The following DYNC1I1 variants were observed in gnomAD, a reference collection of about 807,000 sequenced individuals.
DYNC1I1 encodes cytoplasmic dynein 1 intermediate chain 1.
A neutral mutation model predicts 86.6 loss-of-function variants in DYNC1I1; 43 were observed. The ratio of observed to expected loss-of-function variants is 0.50; its 90% CI spans 0.39 to 0.64. The LOEUF is 0.64. Ranked by LOEUF, DYNC1I1 falls within the 30% of genes least tolerant of loss-of-function variation. The pLI is 0.00. For missense variants in DYNC1I1, 604 were observed against 788.8 expected, an observed-to-expected ratio of 0.77 and a Z score of 2.81; for synonymous variants, 262 against 283.7, an observed-to-expected ratio of 0.92 and a Z score of 0.77.
At chr7:95,816,025 T>C (rs1017322818) in intron 4 of DYNC1I1, among the ~76,000 whole-genome samples, 1 of 151,732 alleles carries the variant, frequency 6.6e-6, no homozygotes, top group Non-Finnish European at 1.5e-5. Context: ...TTTTTTTTTT[T>C]TTTAATTTTA....
rs192528621 is a variant in DYNC1I1 at position 96,015,662 on chromosome 7, C to T, written c.970-12513C>T. ...AATTTCCAAGTACACATAAATGTTC[C>T]GGTAAGAGGGAATTGCCTTCAGCTT... On this transcript the variant is annotated intron_variant, in intron 10 of 16. Transcript: ENST00000447467. Among the ~76,000 whole-genome samples the T allele has an allele frequency of 8.5e-5, 13 of 152,104 alleles. No individual in the cohort carries two copies. In the East Asian group the frequency reaches 2.5e-3, roughly 29 times the overall value.
intron 14 of DYNC1I1, 26 bp from the exon 15 acceptor site, chr7:96,076,031 G>A: frequency 1.9e-6 from 3 of 1,607,886 alleles, no homozygotes; most frequent in Non-Finnish European, 2.6e-6. Context: ...GCGCCACAAA[G>A]TCTTCACGGT....
chr7:96,076,287 CT>C (rs759850683), intron 15 of DYNC1I1, 90 bp downstream of exon 15: 567 of 1,524,080 alleles, frequency 3.7e-4, no homozygotes, highest in Non-Finnish European at 4.9e-4. Flanking sequence ...CCAAAACGGC[CT>C]TTTTTGGACA....
chr7:95,910,491 G>A (rs1202616108), intron 6 of DYNC1I1, among the ~76,000 whole-genome samples: 2 of 152,160 alleles, frequency 1.3e-5, no homozygotes, highest in African/African-American at 4.8e-5. Context: ...TAAGTCTTGA[G>A]CTGGGCTCTG....
chr7:95,921,180 T>G (rs2116376976), intron 6 of DYNC1I1, among the ~76,000 whole-genome samples: 1 of 152,290 alleles, frequency 6.6e-6, no homozygotes, highest in Middle Eastern at 3.4e-3. Flanking sequence ...TATATTTCCT[T>G]TGAGGTGAAA....
rs13438592 is a variant in DYNC1I1 at position 96,002,823 on chromosome 7, T to A, written c.969+6750T>A. 7.3e-3 allele frequency among the ~76,000 whole-genome samples: 1,111 copies of A among 151,616 alleles called. 11 individuals carry two copies. The highest frequency in any genetic ancestry group is 0.026 in the African/African-American group (1,049 of 41,134). ...CATTTTTTTTTTGGTTTTGGTTTTT[T>A]TTTGGGTTTTTTTTGTGTTTTTTTT... On this transcript the variant is annotated intron_variant, in intron 10 of 16. Coordinates refer to ENST00000447467, the MANE Select transcript of DYNC1I1 (RefSeq NM_001135556.2).
intron 1 of DYNC1I1, 49 bp from the exon 2 acceptor site, chr7:95,804,672 A>G: frequency 6.7e-7 from 1 of 1,488,056 alleles, no homozygotes. Context: ...AATGATATAC[A>G]GAAAAGTTAT....
At chr7:95,837,076 G>A (rs1789116801) in intron 5 of DYNC1I1, among the ~76,000 whole-genome samples, 1 of 151,126 alleles carries the variant, frequency 6.6e-6, no homozygotes, top group Admixed American at 6.6e-5. Flanking sequence ...TTTCTGTTCT[G>A]TTTTTTCCCC....
At chr7:95,861,604 C>T (rs1789880035) in intron 5 of DYNC1I1, among the ~76,000 whole-genome samples, 1 of 134,112 alleles carries the variant, frequency 7.5e-6, no homozygotes, top group South Asian at 2.6e-4. Flanking sequence ...AGTAGTACAG[C>T]TCTCTTTTTG....
chr7:95,902,574 A>G (rs1791066655), intron 6 of DYNC1I1, among the ~76,000 whole-genome samples: 1 of 152,196 alleles, frequency 6.6e-6, no homozygotes, highest in Non-Finnish European at 1.5e-5. Context: ...GCAATATGTT[A>G]TTGCTATGCT....
chr7:95,873,733 G>A (rs1790233009), intron 6 of DYNC1I1, among the ~76,000 whole-genome samples: 1 of 152,216 alleles, frequency 6.6e-6, no homozygotes, highest in South Asian at 2.1e-4. Context: ...GTAGGATGAT[G>A]AAGATGCAAA....
At chr7:96,065,484 C>T (rs142869234) in intron 14 of DYNC1I1, among the ~76,000 whole-genome samples, 53 of 148,118 alleles carry the variant, frequency 3.6e-4, no homozygotes, top group African/African-American at 1.3e-3. Flanking sequence ...TTCAATTGAT[C>T]CTCCCACCTC....
In DYNC1I1 at chr7:95,996,846, T is replaced by C. The variant is rs73397065; in HGVS notation, c.969+773T>C. On this transcript the variant is annotated intron_variant, in intron 10 of 16. Coordinates refer to ENST00000447467, the MANE Select transcript of DYNC1I1 (RefSeq NM_001135556.2). ...AAAAAACAAACATTTCAGCTCAAAA[T>C]TGCAGTTCCTCAAATGTTAACAATT... Among the ~76,000 whole-genome samples, 268 of 152,302 alleles carry C rather than the reference T, an allele frequency of 1.8e-3. 2 individuals carry two copies. Among genetic ancestry groups the C allele is most frequent in the African/African-American group, 6.2e-3 (257 of 41,570 alleles).
intron 10 of DYNC1I1, among the ~76,000 whole-genome samples, chr7:96,016,377 G>C (rs1483698799): frequency 6.6e-6 from 1 of 150,538 alleles, no homozygotes; most frequent in Non-Finnish European, 1.5e-5. Context: ...ATGTGGGCTA[G>C]TCCATGACTC....
intron 6 of DYNC1I1, among the ~76,000 whole-genome samples, chr7:95,910,035 A>G (rs1409379078): frequency 6.6e-6 from 1 of 152,162 alleles, no homozygotes; most frequent in Non-Finnish European, 1.5e-5. Flanking sequence ...CCACTGCAAG[A>G]ATCTCCTTGC....
downstream of DYNC1I1, among the ~76,000 whole-genome samples, chr7:96,102,661 C>A (rs1488926158): frequency 6.6e-6 from 1 of 152,142 alleles, no homozygotes; most frequent in Non-Finnish European, 1.5e-5. Flanking sequence ...TGCAGCAGGT[C>A]AAACTGTAGT....
intron 14 of DYNC1I1, among the ~76,000 whole-genome samples, chr7:96,060,206 T>C (rs904359732): frequency 6.6e-6 from 1 of 152,156 alleles, no homozygotes; most frequent in East Asian, 1.9e-4. Flanking sequence ...GTGTGGGTGA[T>C]GGCTCCAAGA....
At chr7:95,944,745 T>C (rs201324147) in intron 6 of DYNC1I1, among the ~76,000 whole-genome samples, 1 of 151,874 alleles carries the variant, frequency 6.6e-6, no homozygotes. Flanking sequence ...AAATTGGAAA[T>C]CATCATTCTC....
At chr7:95,792,579 A>G (rs765439601) in intron 1 of DYNC1I1, among the ~76,000 whole-genome samples, 2 of 152,218 alleles carry the variant, frequency 1.3e-5, no homozygotes, top group Non-Finnish European at 2.9e-5. Context: ...CATGAAGCCT[A>G]CTACGAAAGC....
Sources: allele counts gnomAD v4.1 joint callset (sites outside exome capture counted in the v4.1 genomes callset), GRCh38; gene constraint gnomAD v4.1.1; transcripts MANE v1.5; gene names NCBI Gene and HGNC (gene_info 2026-07-23, HGNC 2026-07-21).